TBL1XR1: variants seen among roughly 807,000 people sequenced by gnomAD.
TBL1XR1 encodes TBL1X/Y related 1.
Under a neutral mutation model 66.9 loss-of-function variants are expected in TBL1XR1, and 5 were observed. The observed-to-expected ratio is 0.07, with a 90% confidence interval of 0.04 to 0.16. The LOEUF is 0.16. Ranked by LOEUF, TBL1XR1 falls within the 10% of genes least tolerant of loss-of-function variation. The probability of loss-of-function intolerance (pLI) is 1.00; values close to 1 mark genes in which losing one functional copy is unlikely to be tolerated. For synonymous variants in TBL1XR1, 210 were observed against 206.0 expected (o/e 1.02, Z -0.17); for missense variants, 238 against 623.2 (o/e 0.38, Z 6.58).
chr3:177,165,318 T>C (rs949889799), intron 1 of TBL1XR1, among the ~76,000 whole-genome samples: 1 of 152,166 alleles, frequency 6.6e-6, no homozygotes. Context: ...AAGATCTATA[T>C]GAAGAAAGTC....
intron 2 of TBL1XR1, among the ~76,000 whole-genome samples, chr3:177,088,802 CATACATTCTCAACCAAATGAAA>C (rs1005099998): frequency 2.0e-5 from 3 of 152,106 alleles, no homozygotes; most frequent in African/African-American, 7.2e-5. Flanking sequence ...TCTCCAGAGG[CATACATTCTCAACCAAATGAAA>C]ATGGTTCACA....
intron 1 of TBL1XR1, among the ~76,000 whole-genome samples, chr3:177,187,552 T>C (rs1273049597): frequency 1.3e-5 from 2 of 152,192 alleles, no homozygotes; most frequent in Non-Finnish European, 2.9e-5. Context: ...CATGTAACCA[T>C]GGCTTTACAA....
intron 1 of TBL1XR1, among the ~76,000 whole-genome samples, chr3:177,157,747 G>C (rs1272262718): frequency 1.3e-5 from 2 of 152,154 alleles, no homozygotes; most frequent in African/African-American, 4.8e-5. Flanking sequence ...AACCTGCAGT[G>C]TTAGAAAGCA....
intron 13 of TBL1XR1, 132 bp from the exon 14 acceptor site, chr3:177,033,268 G>A (rs1199650477): frequency 3.6e-6 from 2 of 558,490 alleles, no homozygotes; most frequent in Non-Finnish European, 2.9e-6. Flanking sequence ...CGACTGGACT[G>A]TTAGGAAGAA....
intron 14 of TBL1XR1, chr3:177,027,037 C>G (rs1266519104): frequency 1.3e-5 from 2 of 152,270 alleles, no homozygotes; most frequent in Non-Finnish European, 2.9e-5. Flanking sequence ...CTTGTTGTTA[C>G]CCAGGATGGA....
intron 2 of TBL1XR1, among the ~76,000 whole-genome samples, chr3:177,096,846 G>C (rs556063352): frequency 6.6e-6 from 1 of 152,118 alleles, no homozygotes; most frequent in Non-Finnish European, 1.5e-5. Flanking sequence ...GCCATCCTTT[G>C]TGCTAGGTAA....
At chr3:177,142,630 C>T (rs866545266) in intron 1 of TBL1XR1, among the ~76,000 whole-genome samples, 3 of 152,108 alleles carry the variant, frequency 2.0e-5, no homozygotes, top group Admixed American at 2.0e-4. Context: ...TTGAACTATA[C>T]ATTTTTTAAC....
rs1723173860 is a variant in TBL1XR1 at position 177,094,192 on chromosome 3, GAT to G, written c.-46+4272_-46+4273del. Among the ~76,000 whole-genome samples, 4 of 151,978 alleles carry G rather than the reference GAT, an allele frequency of 2.6e-5. No homozygotes were observed. The South Asian group carries it at 8.3e-4, about 32-fold the overall frequency. On this transcript the variant is annotated intron_variant, in intron 2 of 15. Coordinates refer to ENST00000457928, the MANE Select transcript of TBL1XR1 (RefSeq NM_024665.7). ...GGACATGAATAGACAATTCTCAAAA[GAT>G]ATACAAATGACCAACAAACATGAAA...
rs560481359 is a variant in TBL1XR1, at chr3:177,119,109, T to A, written c.-121-20568A>T. Among the ~76,000 whole-genome samples, 3 of 152,220 alleles carry A rather than the reference T, an allele frequency of 2.0e-5. No individual in the cohort carries two copies. The South Asian group carries it at 6.2e-4, about 32-fold the overall frequency. On this transcript the variant is annotated intron_variant, in intron 1 of 15. Coordinates refer to ENST00000457928, the MANE Select transcript of TBL1XR1 (RefSeq NM_024665.7). ...GCCTCAGCATCACGGGTAGCTGGGA[T>A]TACAGGCACCTGCCACCACACCCGG...
intron 2 of TBL1XR1, among the ~76,000 whole-genome samples, chr3:177,065,912 T>A (rs1489922512): frequency 6.6e-6 from 1 of 152,218 alleles, no homozygotes; most frequent in Non-Finnish European, 1.5e-5. Flanking sequence ...ATAATATCAT[T>A]GTATCATAAA....
chr3:177,066,628 AAG>A (rs1719200565), intron 2 of TBL1XR1, among the ~76,000 whole-genome samples: 1 of 152,220 alleles, frequency 6.6e-6, no homozygotes, highest in South Asian at 2.1e-4. Flanking sequence ...AGATTGGAGT[AAG>A]AGGAATTAGG....
intron 10 of TBL1XR1, among the ~76,000 whole-genome samples, chr3:177,043,348 AAATGCATTATCATTT>A (rs1408115891): frequency 6.6e-6 from 1 of 152,164 alleles, no homozygotes; most frequent in Non-Finnish European, 1.5e-5. Context: ...CAGTGTTATT[AAATGCATTATCATTT>A]TAAAATGTTT....
chr3:177,090,957 C>A (rs2108642239), intron 2 of TBL1XR1, among the ~76,000 whole-genome samples: 1 of 151,968 alleles, frequency 6.6e-6, no homozygotes, highest in African/African-American at 2.4e-5. Flanking sequence ...CCACTGCAAT[C>A]CTACCTGGGT....
At chr3:177,112,560 C>T (rs750333074) in intron 1 of TBL1XR1, among the ~76,000 whole-genome samples, 4 of 152,058 alleles carry the variant, frequency 2.6e-5, no homozygotes, top group Non-Finnish European at 5.9e-5. Context: ...GAGTATTAAA[C>T]TCTACATTGC....
chr3:177,140,040 C>T (rs1218827202), intron 1 of TBL1XR1, among the ~76,000 whole-genome samples: 2 of 152,112 alleles, frequency 1.3e-5, no homozygotes, highest in East Asian at 1.9e-4. Context: ...CGGTGGCTCA[C>T]GCCTGCAATC....
intron 1 of TBL1XR1, among the ~76,000 whole-genome samples, chr3:177,138,498 G>C (rs983459672): frequency 6.6e-6 from 1 of 152,038 alleles, no homozygotes; most frequent in Non-Finnish European, 1.5e-5. Flanking sequence ...AGGCTGAGGT[G>C]AGAGGATCAC....
At chr3:177,189,079 G>A (rs1459989843) in intron 1 of TBL1XR1, among the ~76,000 whole-genome samples, 3 of 151,768 alleles carry the variant, frequency 2.0e-5, no homozygotes, top group African/African-American at 4.8e-5. Context: ...ATGGTGGCAC[G>A]TTCCTGTAGT....
rs761257607 is a variant in TBL1XR1, at chr3:177,050,516, G to A, written c.522C>T (p.Ile174=). The change falls in exon 6 of 16, where the codon ATC becomes ATT. Residue 174 remains isoleucine, a synonymous_variant. Transcript: ENST00000457928. ...VLRGHESEVF[I]CAWNPVSDLL... is the part of the protein sequence containing the mutation. Reference sequence around the variant, plus strand: ...GATCACTAACAGGGTTCCAGGCACAGATAAAAACTTCAGATTCATGGCCCC... The same window carrying A: ...GATCACTAACAGGGTTCCAGGCACAAATAAAAACTTCAGATTCATGGCCCC... 6 of 1,613,676 alleles carry A rather than the reference G, an allele frequency of 3.7e-6. No individual in the cohort carries two copies. Among genetic ancestry groups the A allele is most frequent in the Non-Finnish European group, 4.2e-6 (5 of 1,179,812 alleles).
chr3:177,150,569 A>G (rs1221139323), intron 1 of TBL1XR1, among the ~76,000 whole-genome samples: 2 of 152,230 alleles, frequency 1.3e-5, no homozygotes, highest in Admixed American at 6.5e-5. Flanking sequence ...TGTCTCTTTG[A>G]AGTCCTCAGA....
Sources: allele counts gnomAD v4.1 joint callset (sites outside exome capture counted in the v4.1 genomes callset), GRCh38; gene constraint gnomAD v4.1.1; transcripts MANE v1.5; gene names NCBI Gene and HGNC (gene_info 2026-07-23, HGNC 2026-07-21).